Variants in CLDN16 observed in about 807,000 individuals in gnomAD.
CLDN16 encodes the protein claudin-16.
Under a neutral mutation model 24.6 loss-of-function variants are expected in CLDN16, and 13 were observed. That is an observed-to-expected ratio of 0.53 (90% CI 0.34 to 0.84). The LOEUF is 0.84. CLDN16 is among the 40% of genes least tolerant of loss of function. The probability of loss-of-function intolerance (pLI) is 0.01; values close to 1 mark genes in which losing one functional copy is unlikely to be tolerated. For synonymous variants in CLDN16, 116 were observed against 106.7 expected (o/e 1.09, Z -0.54); for missense variants, 298 against 292.7 (o/e 1.02, Z -0.13).
intron 1 of CLDN16, among the ~76,000 whole-genome samples, chr3:190,334,087 T>C (rs1451826073): frequency 1.3e-5 from 2 of 152,196 alleles, no homozygotes; most frequent in Admixed American, 1.3e-4. Flanking sequence ...ATTCATTCAT[T>C]TATTGCTACT....
the CLDN16 span, among the ~76,000 whole-genome samples, chr3:190,309,069 G>C: frequency 2.0e-5 from 3 of 152,132 alleles, no homozygotes; most frequent in African/African-American, 7.2e-5. Flanking sequence ...TAAGTTATAA[G>C]GCCAAGTCTA....
chr3:190,348,335 ATGTG>A (rs57246894), intron 1 of CLDN16, among the ~76,000 whole-genome samples: 18,406 of 138,308 alleles, frequency 0.13, 1,345 homozygotes, highest in Middle Eastern at 0.23. Context: ...CAAGACTGCA[ATGTG>A]TGTGTGTGTG....
chr3:190,327,742 A>G (rs1380606591), intron 1 of CLDN16, among the ~76,000 whole-genome samples: 7 of 152,198 alleles, frequency 4.6e-5, no homozygotes, highest in Non-Finnish European at 8.8e-5. Context: ...CTGCATCCTC[A>G]TCAGGCCACC....
At chr3:190,376,355 A>T (rs1220713811) in intron 3 of CLDN16, among the ~76,000 whole-genome samples, 2 of 151,894 alleles carry the variant, frequency 1.3e-5, no homozygotes, top group Non-Finnish European at 2.9e-5. Context: ...AATGAAAGGT[A>T]TGTTGATGAT....
At chr3:190,375,455 C>T (rs1718226181) in intron 3 of CLDN16, among the ~76,000 whole-genome samples, 1 of 151,908 alleles carries the variant, frequency 6.6e-6, no homozygotes, top group South Asian at 2.1e-4. Flanking sequence ...GAGGAAGTAC[C>T]TCATACATGA....
intron 4 of CLDN16, among the ~76,000 whole-genome samples, chr3:190,408,913 TA>T (rs1375350764): frequency 4.7e-5 from 7 of 148,898 alleles, no homozygotes; most frequent in Admixed American, 1.3e-4. Context: ...TACGTATACA[TA>T]GTACATATGT....
intron 1 of CLDN16, among the ~76,000 whole-genome samples, chr3:190,398,989 T>C (rs1457793431): frequency 6.6e-6 from 1 of 152,214 alleles, no homozygotes; most frequent in Non-Finnish European, 1.5e-5. Context: ...CTGTTTATCA[T>C]TAGATTTTTT....
chr3:190,379,580 C>A (rs190583666), intron 3 of CLDN16, among the ~76,000 whole-genome samples: 1 of 152,136 alleles, frequency 6.6e-6, no homozygotes, highest in East Asian at 1.9e-4. Context: ...CTTCAACAAA[C>A]AAACAAACAA....
chr3:190,403,397 A>C (rs1234143500), intron 2 of CLDN16, among the ~76,000 whole-genome samples: 1 of 152,220 alleles, frequency 6.6e-6, no homozygotes. Context: ...GCTATGAATA[A>C]AGAAATGTCT....
Position 190,404,859 on chromosome 3 carries a change from C to T in CLDN16, c.315C>T (p.Phe105=). Residue 105 remains phenylalanine (F), a synonymous_variant, in exon 3 of 5, where the codon TTC becomes TTT. Transcript: ENST00000264734. ...TLLLGLDCVK[F]LPDEPYIKVR... is the part of the protein sequence containing the mutation. ...TCCTTGGTCTTGACTGCGTGAAATT[C>T]CTCCCTGATGAGCCGTACATTAAAG... is the stretch of plus-strand genomic sequence containing the variant. 6.2e-7 allele frequency: 1 copy of T among 1,614,094 alleles called. No homozygotes were observed.
chr3:190,299,365 G>T, the CLDN16 span, among the ~76,000 whole-genome samples: 1 of 151,956 alleles, frequency 6.6e-6, no homozygotes, highest in Non-Finnish European at 1.5e-5. Flanking sequence ...ATACTATGTG[G>T]TGGTTATTCT....
intron 2 of CLDN16, among the ~76,000 whole-genome samples, chr3:190,373,629 G>C (rs1718186588): frequency 6.6e-6 from 1 of 151,778 alleles, no homozygotes; most frequent in Admixed American, 6.6e-5. Context: ...AAATAATGCT[G>C]TTGTGCATTA....
intron 1 of CLDN16, among the ~76,000 whole-genome samples, chr3:190,341,435 C>A (rs888821797): frequency 6.6e-6 from 1 of 152,140 alleles, no homozygotes; most frequent in African/African-American, 2.4e-5. Context: ...GAAGTCATGG[C>A]CTGAGCTCTA....
chr3:190,378,773 C>T (rs1353422507), intron 3 of CLDN16, among the ~76,000 whole-genome samples: 3 of 151,954 alleles, frequency 2.0e-5, no homozygotes, highest in East Asian at 3.9e-4. Context: ...TTGTAATTTC[C>T]ACTGGACGTT....
At chr3:190,327,178 GTTGAC>G (rs1394009587) in intron 1 of CLDN16, among the ~76,000 whole-genome samples, 1 of 152,202 alleles carries the variant, frequency 6.6e-6, no homozygotes, top group Non-Finnish European at 1.5e-5. Flanking sequence ...TTGAATAAGA[GTTGAC>G]TTCACAGTCT....
chr3:190,401,962 TA>T (rs1005976677), intron 1 of CLDN16, among the ~76,000 whole-genome samples: 1 of 152,194 alleles, frequency 6.6e-6, no homozygotes, highest in African/African-American at 2.4e-5. Context: ...TATATATATA[TA>T]TATTTTTTGG....
At chr3:190,361,152 T>C (rs1053639370) in intron 1 of CLDN16, among the ~76,000 whole-genome samples, 3 of 152,046 alleles carry the variant, frequency 2.0e-5, no homozygotes, top group Non-Finnish European at 4.4e-5. Flanking sequence ...CATTCTTTCA[T>C]TGAGTCAGTA....
rs539816737 is a variant in CLDN16 at position 190,338,507 on chromosome 3, G to C, written n.121+15846G>C. Among the ~76,000 whole-genome samples the C allele has an allele frequency of 5.3e-5, 8 of 152,258 alleles. No individual in the cohort carries two copies. The South Asian group carries it at 1.2e-3, about 24-fold the overall frequency. ...CCCAAGTTTAATTATAAATTGACAA[G>C]TACAGCAATTATTGCCTGGCAAGTG... On this transcript the variant is annotated intron_variant and non_coding_transcript_variant, in intron 1 of 4. Coordinates refer to the CLDN16 transcript ENST00000468220.
At chr3:190,312,891 A>C in the CLDN16 span, 9 of 1,613,832 alleles carry the variant, frequency 5.6e-6, no homozygotes, top group Non-Finnish European at 7.6e-6. Flanking sequence ...GAAATATCGC[A>C]CCCCCAATGA....
Sources: gnomAD v4.1 joint callset for allele counts (sites outside exome capture counted in the v4.1 genomes callset) on GRCh38, gnomAD v4.1.1 for gene constraint, MANE v1.5 for transcripts, NCBI Gene and HGNC (gene_info 2026-07-23, HGNC 2026-07-21) for gene names.